Variants in GALNT16 observed in about 807,000 individuals in gnomAD.
The protein encoded by GALNT16 is polypeptide N-acetylgalactosaminyltransferase 16, also known as UDP-GalNAc:polypeptide N-acetylgalactosaminyltransferase-like protein 1.
In GALNT16, 40 loss-of-function variants were observed where a neutral mutation model predicts 76.1. The ratio of observed to expected loss-of-function variants is 0.53; its 90% confidence interval spans 0.41 to 0.68. The LOEUF is 0.68. Ranked by LOEUF, GALNT16 falls within the 30% of genes least tolerant of loss-of-function variation. The pLI is 0.00. For missense variants in GALNT16, 621 were observed against 731.9 expected (o/e 0.85, Z 1.75); for synonymous variants, 276 against 285.2 (o/e 0.97, Z 0.32).
At chr14:69,293,201 C>T (rs573679103) in intron 1 of GALNT16, among the ~76,000 whole-genome samples, 1 of 152,238 alleles carries the variant, frequency 6.6e-6, no homozygotes, top group South Asian at 2.1e-4. Flanking sequence ...TCTGTCCTGC[C>T]CCAAAGCCTG....
chr14:69,384,403 C>A, the GALNT16 span, among the ~76,000 whole-genome samples: 1 of 152,210 alleles, frequency 6.6e-6, no homozygotes, highest in Non-Finnish European at 1.5e-5. Context: ...TCAAAGGGAG[C>A]TAGCAAATGG....
At chr14:69,370,433 T>C in the GALNT16 span, among the ~76,000 whole-genome samples, 3 of 152,220 alleles carry the variant, frequency 2.0e-5, no homozygotes, top group Non-Finnish European at 4.4e-5. Context: ...TAAAGCCCTA[T>C]GGAGGAGTAA....
At chr14:69,378,433 G>A in the GALNT16 span, among the ~76,000 whole-genome samples, 3 of 152,178 alleles carry the variant, frequency 2.0e-5, no homozygotes, top group African/African-American at 7.2e-5. Context: ...GTTGGGGAAA[G>A]GCCAATCAAC....
At chr14:69,386,076 ATTCATTTGAAT>A in the GALNT16 span, among the ~76,000 whole-genome samples, 1 of 152,208 alleles carries the variant, frequency 6.6e-6, no homozygotes, top group Non-Finnish European at 1.5e-5. Flanking sequence ...ACCATGCAAC[ATTCATTTGAAT>A]GTTCTGAGTG....
chr14:69,338,649 A>C lies in GALNT16; in HGVS notation c.968-2A>C. ...CCTCCTGACGGCTACTATTTCCTGC[A>C]GAGCTCTCCTTCAGGGTGTGGATGT... On this transcript the variant is annotated splice_acceptor_variant, in intron 9 of 14. Transcript: ENST00000448469. LOFTEE classifies it high-confidence loss of function. 1 of 1,613,252 alleles carries C rather than the reference A, an allele frequency of 6.2e-7. No homozygotes were observed. Among genetic ancestry groups the C allele is most frequent in the Non-Finnish European group, 8.5e-7 (1 of 1,179,468 alleles).
chr14:69,379,963 G>A, the GALNT16 span, among the ~76,000 whole-genome samples: 1 of 124,954 alleles, frequency 8.0e-6, no homozygotes, highest in Non-Finnish European at 1.7e-5. Context: ...GAAAAGTGAG[G>A]TAAAAGTGTT....
At chr14:69,278,208 TA>T (rs1274852948) in intron 1 of GALNT16, among the ~76,000 whole-genome samples, 2 of 152,096 alleles carry the variant, frequency 1.3e-5, no homozygotes, top group African/African-American at 4.8e-5. Context: ...GGGGTCTCAC[TA>T]TGTTACCCAG....
At chr14:69,348,085 C>T (rs2140201853) in intron 14 of GALNT16, 83 bp downstream of exon 14, 1 of 1,425,110 alleles carries the variant, frequency 7.0e-7, no homozygotes, top group African/African-American at 1.4e-5. Flanking sequence ...AGGAGAGCCC[C>T]TGATTGACTC....
intron 2 of GALNT16, among the ~76,000 whole-genome samples, chr14:69,322,982 GCGCGCGCACGCGCGCACGCA>G (rs764561794): frequency 0.031 from 1,088 of 35,532 alleles, 51 homozygotes; most frequent in African/African-American, 0.13. Context: ...GTGTGTGTGT[GCGCGCGCACGCGCGCACGCA>G]TGCACACGTG....
At chr14:69,386,276 C>G in the GALNT16 span, among the ~76,000 whole-genome samples, 1 of 152,222 alleles carries the variant, frequency 6.6e-6, no homozygotes, top group African/African-American at 2.4e-5. Context: ...GTATATTTCT[C>G]ATCACTGCTC....
intron 2 of GALNT16, among the ~76,000 whole-genome samples, 184 bp from the exon 3 acceptor site, chr14:69,324,508 C>T (rs1019575661): frequency 6.6e-5 from 10 of 152,224 alleles, no homozygotes; most frequent in East Asian, 1.9e-4. Context: ...TGGGTGGCAT[C>T]GGGGTTCTGG....
At chr14:69,344,177 A>G (rs1370864568) in intron 12 of GALNT16, among the ~76,000 whole-genome samples, 1 of 152,212 alleles carries the variant, frequency 6.6e-6, no homozygotes, top group Non-Finnish European at 1.5e-5. Context: ...TTGCTTTCCT[A>G]GGCCTGCCGT....
chr14:69,365,216 A>G, the GALNT16 span, among the ~76,000 whole-genome samples: 1 of 152,190 alleles, frequency 6.6e-6, no homozygotes, highest in African/African-American at 2.4e-5. Context: ...CTGGAGTTAA[A>G]GTGGGGGTAG....
intron 2 of GALNT16, among the ~76,000 whole-genome samples, chr14:69,323,485 G>C (rs557759628): frequency 3.9e-4 from 59 of 152,314 alleles, no homozygotes; most frequent in African/African-American, 1.4e-3. Flanking sequence ...ATGGTTGGGG[G>C]ATCAGGACAG....
intron 6 of GALNT16, 136 bp from the exon 7 acceptor site, chr14:69,331,328 G>C (rs1048088732): frequency 1.5e-6 from 1 of 659,746 alleles, no homozygotes; most frequent in Non-Finnish European, 2.7e-6. Flanking sequence ...CAGGGTTGAG[G>C]GGTGGCCCTG....
chr14:69,332,867 T>C (rs1001384040), intron 7 of GALNT16, among the ~76,000 whole-genome samples: 2 of 149,022 alleles, frequency 1.3e-5, no homozygotes, highest in African/African-American at 2.5e-5. Context: ...CCAGCTGACA[T>C]AGTCTCCACT....
At chr14:69,349,914 A>T (rs1487196858) in intron 14 of GALNT16, 1 of 151,982 alleles carries the variant, frequency 6.6e-6, no homozygotes, top group Non-Finnish European at 1.5e-5. Flanking sequence ...TCATTCGTTC[A>T]TCTTAAAACA....
the GALNT16 span, among the ~76,000 whole-genome samples, chr14:69,365,269 A>G: frequency 6.6e-6 from 1 of 152,196 alleles, no homozygotes; most frequent in Non-Finnish European, 1.5e-5. Context: ...AAATGAAAAT[A>G]TGGGTCATCT....
chr14:69,280,036 A>G lies in GALNT16; in HGVS notation c.177+19569A>G, dbSNP rs116768360. Among the ~76,000 whole-genome samples the G allele has an allele frequency of 5.4e-3, 828 of 152,336 alleles. 6 individuals carry two copies. Among genetic ancestry groups the G allele is most frequent in the African/African-American group, 0.019 (795 of 41,574 alleles). ...TTTTAAAATTTTGTATTGTAGTAAA[A>G]TACATATAAGATAAACTTTACCATC... On this transcript the variant is annotated intron_variant, in intron 1 of 14. Coordinates refer to ENST00000448469, the MANE Select transcript of GALNT16 (RefSeq NM_001168368.2).
Sources: allele counts gnomAD v4.1 joint callset (sites outside exome capture counted in the v4.1 genomes callset), GRCh38; gene constraint gnomAD v4.1.1; transcripts MANE v1.5; gene names NCBI Gene and HGNC (gene_info 2026-07-23, HGNC 2026-07-21).